KIF20B: variants seen among roughly 807,000 people sequenced by gnomAD.
KIF20B encodes kinesin-like protein KIF20B.
In KIF20B, 188 loss-of-function variants were observed where a neutral mutation model predicts 232.5. The observed-to-expected ratio is 0.81, with a 90% CI of 0.72 to 0.91. KIF20B has a LOEUF of 0.91. Among genes scored for constraint, KIF20B ranks in the 40% least tolerant of loss-of-function variants. KIF20B has a pLI of 0.00. For missense variants in KIF20B, 2,154 were observed against 2,055.9 expected, an observed-to-expected ratio of 1.05 and a Z score of -0.92; for synonymous variants, 712 against 683.0, an observed-to-expected ratio of 1.04 and a Z score of -0.66.
At chr10:89,750,881 A>T (rs1842008041) in intron 23 of KIF20B, among the ~76,000 whole-genome samples, 1 of 152,140 alleles carries the variant, frequency 6.6e-6, no homozygotes, top group Non-Finnish European at 1.5e-5. Flanking sequence ...TAACTACTTG[A>T]TGTTAAAAAA....
chr10:89,749,278 T>G (rs1841979282), intron 23 of KIF20B, among the ~76,000 whole-genome samples: 1 of 152,222 alleles, frequency 6.6e-6, no homozygotes, highest in African/African-American at 2.4e-5. Context: ...AACTATATCT[T>G]TAACTCTTAA....
intron 18 of KIF20B, among the ~76,000 whole-genome samples, chr10:89,731,489 T>C (rs1843317169): frequency 6.6e-6 from 1 of 152,188 alleles, no homozygotes; most frequent in Non-Finnish European, 1.5e-5. Context: ...TAACAGTTGA[T>C]CTAGGGTCAC....
intron 2 of KIF20B, among the ~76,000 whole-genome samples, chr10:89,708,666 T>C (rs1234229391): frequency 6.6e-6 from 1 of 152,194 alleles, no homozygotes; most frequent in Non-Finnish European, 1.5e-5. Flanking sequence ...TTGATTAAGT[T>C]GCATTTATCA....
chr10:89,768,295 GGTGAAAT>G lies in KIF20B; in HGVS notation c.5002_5008del (p.Cys1668IlefsTer11), dbSNP rs1392747330. The G allele has an allele frequency of 6.5e-7, 1 of 1,539,392 alleles. No individual in the cohort carries two copies. The highest frequency in any genetic ancestry group is 1.4e-5 in the African/African-American group (1 of 71,606). On this transcript the variant is annotated frameshift_variant, in exon 30 of 33. Transcript: ENST00000371728. LOFTEE classifies it high-confidence loss of function. ...CTAAAATTCATTATTTTTAGGACTTGGTGAAATGTGAAAATAAGAAGAATGCTACACC... is the reference window on the plus strand; with the variant it reads ...CTAAAATTCATTATTTTTAGGACTTGGTGAAAATAAGAAGAATGCTACACC...
rs1291188423 is a variant in KIF20B, at chr10:89,767,628, T to A, written c.4990-662T>A. 2.0e-5 allele frequency among the ~76,000 whole-genome samples: 3 copies of A among 152,064 alleles called. No individual in the cohort carries two copies. In the South Asian group the frequency reaches 6.2e-4, roughly 31 times the overall value. ...GCAGCAGTTCAAGTCAGTGAGTATATCTGTAAAGGGCTTTGTCCTATGTGA... is the reference window on the plus strand; with the variant it reads ...GCAGCAGTTCAAGTCAGTGAGTATAACTGTAAAGGGCTTTGTCCTATGTGA... On this transcript the variant is annotated intron_variant, in intron 29 of 32. Coordinates refer to ENST00000371728, the MANE Select transcript of KIF20B (RefSeq NM_001284259.2).
At chr10:89,711,547 A>T (rs1842837556) in intron 6 of KIF20B, among the ~76,000 whole-genome samples, 1 of 152,022 alleles carries the variant, frequency 6.6e-6, no homozygotes, top group Non-Finnish European at 1.5e-5. Context: ...ATAGATTGGG[A>T]AGTATTGTTT....
intron 9 of KIF20B, among the ~76,000 whole-genome samples, chr10:89,716,911 A>G (rs1842946375): frequency 6.6e-6 from 1 of 152,158 alleles, no homozygotes; most frequent in Admixed American, 6.5e-5. Flanking sequence ...CAAGGGGTTA[A>G]GGAAGGAAGT....
In KIF20B at chr10:89,738,410, A is replaced by C. The variant is rs772928928; in HGVS notation, c.3569A>C (p.Lys1190Thr). Residue 1190 changes from lysine to threonine, a missense_variant, in exon 20 of 33, where the codon AAG becomes ACG. By Grantham distance (78) the Lys-to-Thr change is moderately conservative (BLOSUM62 -1). Coordinates refer to ENST00000371728, the MANE Select transcript of KIF20B (RefSeq NM_001284259.2). ...AAGTTAGAACAAGACATTTTGGAAAAGGAATCTATCATCTTAAAGCTAGAA... is the reference window on the plus strand; with the variant it reads ...AAGTTAGAACAAGACATTTTGGAAACGGAATCTATCATCTTAAAGCTAGAA... ...SAKLEQDILEKESIILKLERN... is the reference protein window; with the variant it reads ...SAKLEQDILETESIILKLERN... 1.2e-6 allele frequency: 2 copies of C among 1,601,724 alleles called. No homozygotes were observed. The highest frequency in any genetic ancestry group is 3.5e-5 in the Admixed American group (2 of 56,920).
intron 5 of KIF20B, 56 bp downstream of exon 5, chr10:89,710,121 G>C (rs895857763): frequency 2.0e-5 from 30 of 1,476,388 alleles, no homozygotes; most frequent in Non-Finnish European, 2.6e-5. Context: ...TAATCACTCA[G>C]TGTTTTTATA....
intron 26 of KIF20B, among the ~76,000 whole-genome samples, chr10:89,755,417 T>TTCCTC (rs1842099344): frequency 3.5e-5 from 4 of 113,312 alleles, no homozygotes; most frequent in African/African-American, 1.3e-4. Context: ...CTCCTTTCCT[T>TTCCTC]CCCTCCCCTC....
chr10:89,749,247 C>T lies in KIF20B; in HGVS notation c.4097-2099C>T, dbSNP rs535721487. On this transcript the variant is annotated intron_variant, in intron 23 of 32. Coordinates refer to ENST00000371728, the MANE Select transcript of KIF20B (RefSeq NM_001284259.2). ...TTTAAGTTGTGTATGAGACATTTCC[C>T]TACAAATAGACAACAAACAAAACTA... Among the ~76,000 whole-genome samples, 6 of 152,202 alleles carry T rather than the reference C, an allele frequency of 3.9e-5. No homozygotes were observed. In the South Asian group the frequency reaches 8.3e-4, roughly 21 times the overall value.
chr10:89,725,194 G>A (rs892412040), intron 15 of KIF20B, 36 bp downstream of exon 15: 22 of 1,601,864 alleles, frequency 1.4e-5, no homozygotes, highest in Non-Finnish European at 1.8e-5. Flanking sequence ...TATCCAGTGA[G>A]GTTTTGGTAC....
At chr10:89,712,313 G>A (rs1049424970) in intron 6 of KIF20B, among the ~76,000 whole-genome samples, 10 of 151,836 alleles carry the variant, frequency 6.6e-5, no homozygotes, top group Admixed American at 2.0e-4. Flanking sequence ...GAGTATAGCG[G>A]TATGATCATA....
At chr10:89,720,543 AC>A (rs1287351970) in intron 13 of KIF20B, among the ~76,000 whole-genome samples, 3 of 152,156 alleles carry the variant, frequency 2.0e-5, no homozygotes, top group African/African-American at 7.2e-5. Context: ...ATTCCATCAG[AC>A]CTTTATTTTG....
intron 25 of KIF20B, among the ~76,000 whole-genome samples, chr10:89,752,981 T>G (rs1476583074): frequency 6.6e-6 from 1 of 152,196 alleles, no homozygotes; most frequent in African/African-American, 2.4e-5. Context: ...CTTGTGCCCA[T>G]TTTTCTACTC....
Position 89,771,306 on chromosome 10 carries a change from A to AT in KIF20B, c.5243-1383_5243-1382insT, listed in dbSNP as rs1254856622. 7.5e-4 allele frequency among the ~76,000 whole-genome samples: 101 copies of AT among 133,988 alleles called. 1 individual carries two copies. The East Asian group carries it at 0.021, about 27-fold the overall frequency. The allele number at this position is 133,988 out of a possible 152,430, so 87.9% of individuals were successfully genotyped here. On this transcript the variant is annotated intron_variant, in intron 31 of 32. Transcript: ENST00000371728. ...TCTTTTACACTAGAATATAATCTGC[A>AT]CGGACAAAATGTCTGTCTAGTTCAT...
At chr10:89,704,089 T>G (rs187207758) in intron 1 of KIF20B, among the ~76,000 whole-genome samples, 347 of 152,290 alleles carry the variant, frequency 2.3e-3, no homozygotes, top group African/African-American at 7.8e-3. Context: ...TTCATGGTCC[T>G]TGATCCAGTG....
chr10:89,715,163 G>A lies in KIF20B; in HGVS notation c.921G>A (p.Lys307=). 6.3e-7 allele frequency: 1 copy of A among 1,593,254 alleles called. No individual in the cohort carries two copies. Among genetic ancestry groups the A allele is most frequent in the Non-Finnish European group, 8.5e-7 (1 of 1,169,636 alleles). The change falls in exon 8 of 33, where the codon AAG becomes AAA. Residue 307 remains lysine (K), a synonymous_variant. Transcript: ENST00000371728. ...TGCTGCGCCTTTCCCAAGACGTAAA[G>A]GGCTATTCTTTTATAAAAGGTATAC... ...RKMLRLSQDV[K]GYSFIKDLQW...
chr10:89,725,717 G>T (rs1213946984), intron 15 of KIF20B, among the ~76,000 whole-genome samples: 2 of 152,196 alleles, frequency 1.3e-5, no homozygotes, highest in African/African-American at 4.8e-5. Context: ...GAGATTACAG[G>T]TGCACGCCAC....
Sources: gnomAD v4.1 joint callset for allele counts (sites outside exome capture counted in the v4.1 genomes callset) on GRCh38, gnomAD v4.1.1 for gene constraint, MANE v1.5 for transcripts, NCBI Gene and HGNC (gene_info 2026-07-23, HGNC 2026-07-21) for gene names.